The following SLC19A3 variants were observed in gnomAD, a reference collection of about 807,000 sequenced individuals.
SLC19A3 encodes the protein solute carrier family 19 member 3.
A neutral mutation model predicts 40.2 loss-of-function variants in SLC19A3; 31 were observed. The ratio of observed to expected loss-of-function variants is 0.77; its 90% CI spans 0.58 to 1.04. SLC19A3 has a LOEUF of 1.04. SLC19A3 is among the 50% of genes least tolerant of loss of function. The probability of loss-of-function intolerance (pLI) is 0.00; values close to 1 mark genes in which losing one functional copy is unlikely to be tolerated. For missense variants in SLC19A3, 592 were observed against 596.7 expected, an observed-to-expected ratio of 0.99 and a Z score of 0.08; for synonymous variants, 212 against 227.5, an observed-to-expected ratio of 0.93 and a Z score of 0.61.
chr2:227,695,282 A>G (rs2106325287), intron 4 of SLC19A3, among the ~76,000 whole-genome samples: 1 of 152,252 alleles, frequency 6.6e-6, no homozygotes, highest in East Asian at 1.9e-4. Context: ...CTTTATGTAG[A>G]AAGTTGCTGG....
intron 1 of SLC19A3, among the ~76,000 whole-genome samples, chr2:227,707,582 C>A (rs1438735588): frequency 5.3e-5 from 8 of 149,968 alleles, no homozygotes; most frequent in African/African-American, 2.0e-4. Flanking sequence ...ACCCTGTTCT[C>A]AAAAAATATA....
intron 4 of SLC19A3, among the ~76,000 whole-genome samples, chr2:227,689,087 A>C (rs901091108): frequency 1.3e-5 from 2 of 152,166 alleles, no homozygotes; most frequent in African/African-American, 4.8e-5. Context: ...AGGAGACAAC[A>C]GAAAAAAGAA....
At chr2:227,689,580 C>G (rs992150005) in intron 4 of SLC19A3, among the ~76,000 whole-genome samples, 6 of 152,150 alleles carry the variant, frequency 3.9e-5, no homozygotes, top group African/African-American at 7.2e-5. Flanking sequence ...TCATCAACAC[C>G]AGACCTGTCC....
At chr2:227,702,078 C>T (rs1695717425) in intron 2 of SLC19A3, 91 bp downstream of exon 2, 13 of 1,034,950 alleles carry the variant, frequency 1.3e-5, no homozygotes, top group Middle Eastern at 2.5e-4. Flanking sequence ...ATGTGTTCAT[C>T]TTATATCAAG....
chr2:227,696,096 TG>T lies in SLC19A3; in HGVS notation c.980-16del. ...AGCCACAGCCCCTGAAAAAAAACAT[TG>T]AAGGCAATCAAACATAATGACTTTG... On this transcript the variant is annotated splice_polypyrimidine_tract_variant and intron_variant, in intron 3 of 5. Transcript: ENST00000644224. 6.2e-7 allele frequency: 1 copy of T among 1,612,266 alleles called. No individual in the cohort carries two copies. Among genetic ancestry groups the T allele is most frequent in the Non-Finnish European group, 8.5e-7 (1 of 1,178,972 alleles).
rs7567984 is a variant in SLC19A3 at position 227,703,251 on chromosome 2, C to T, written c.-2-931G>A. 0.29 allele frequency among the ~76,000 whole-genome samples: 44,246 copies of T among 151,972 alleles called. 6,491 individuals carry two copies. The highest frequency in any genetic ancestry group is 0.31 in the African/African-American group (12,731 of 41,456). ...GGGTCAATTGCAGTTTGAAAGCAGA[C>T]GAGAGAGAAGGAAAAGCATTCTCAT... is the stretch of plus-strand genomic sequence containing the variant. On this transcript the variant is annotated intron_variant, in intron 1 of 5. Coordinates refer to ENST00000644224, the MANE Select transcript of SLC19A3 (RefSeq NM_025243.4). The surrounding 1 kb of genome is among the most constrained non-coding windows in gnomAD (Gnocchi z 4.7).
At chr2:227,716,919 C>G (rs4973234) in intron 1 of SLC19A3, among the ~76,000 whole-genome samples, 30,080 of 149,052 alleles carry the variant, frequency 0.2, 3,214 homozygotes, top group Middle Eastern at 0.36. Context: ...ATATGTGCCT[C>G]GATGAAAAAA....
At chr2:227,705,436 T>TAAA (rs34060996) in intron 1 of SLC19A3, among the ~76,000 whole-genome samples, 1 of 140,848 alleles carries the variant, frequency 7.1e-6, no homozygotes. Flanking sequence ...CCCTATCTCT[T>TAAA]AAAAAAAAAA....
Position 227,699,217 on chromosome 2 carries a change from G to A in SLC19A3, c.498C>T (p.Asn166=). The part of the protein sequence containing the change: ...VLAQLLVSLA[N]MSYFYLNVIS... ...TGACGTTGAGGTAAAAGTACGACAT[G>A]TTCGCCAGGGATACCAAGAGTTGAG... Residue 166 remains asparagine (N), a synonymous_variant, in exon 3 of 6, where the codon AAC becomes AAT. Transcript: ENST00000644224. 1.2e-6 allele frequency: 2 copies of A among 1,614,158 alleles called. No individual in the cohort carries two copies. The highest frequency in any genetic ancestry group is 1.7e-5 in the Admixed American group (1 of 60,018).
chr2:227,687,790 G>C lies in SLC19A3; in HGVS notation c.1315-217C>G, dbSNP rs571100101. The stretch of plus-strand genomic sequence containing the variant: ...ACGGTGACTAAGAGTCTTGGCTTTA[G>C]AGCAGGTTGCTTGGGTTAAAATCAT... On this transcript the variant is annotated intron_variant, in intron 5 of 5. Transcript: ENST00000644224. Among the ~76,000 whole-genome samples, 5 of 152,208 alleles carry C rather than the reference G, an allele frequency of 3.3e-5. No homozygotes were observed. In the South Asian group the frequency reaches 1.0e-3, roughly 32 times the overall value.
At position 227,685,068 on chromosome 2, in the gene SLC19A3, T is replaced by C. The variant is rs554962698; in HGVS notation, c.*2329A>G. 1.3e-4 allele frequency: 20 copies of C among 151,908 alleles called. No homozygotes were observed. Among genetic ancestry groups the C allele is most frequent in the Non-Finnish European group, 1.5e-5 (1 of 67,966 alleles). The allele number at this position is 151,908 out of a possible 1,614,324, so 9.4% of individuals were successfully genotyped here. On this transcript the variant is annotated 3_prime_UTR_variant, in exon 6 of 6. Transcript: ENST00000644224. ...GCCTTTAATGTAAGTAGGAATGTTA[T>C]TAGTTTTCTCCACTAAGTGAGTGCA...
intron 1 of SLC19A3, among the ~76,000 whole-genome samples, chr2:227,716,993 CTTTTTTTTTT>C (rs61164911): frequency 1.5e-5 from 1 of 67,140 alleles, no homozygotes; most frequent in Non-Finnish European, 2.6e-5. Flanking sequence ...CATGAGAGTG[CTTTTTTTTTT>C]TTTTTTTTTT....
rs546520597 is a variant in SLC19A3 at position 227,706,506 on chromosome 2, C to T, written c.-2-4186G>A. On this transcript the variant is annotated intron_variant, in intron 1 of 5. Coordinates refer to ENST00000644224, the MANE Select transcript of SLC19A3 (RefSeq NM_025243.4). ...TTTTAAAAGGCTGGGTGTAGTGGCT[C>T]ATGCTTGTAATCCCAGCGCTTTGGG... 4 of 1,209,620 alleles carry T rather than the reference C, an allele frequency of 3.3e-6. No homozygotes were observed. In the African/African-American group the frequency reaches 6.3e-5, roughly 19 times the overall value. 74.9% of individuals were successfully genotyped at this position (1,209,620 alleles called of 1,614,324 possible).
Position 227,698,861 on chromosome 2 carries a change from C to A in SLC19A3, c.854G>T (p.Trp285Leu). ...SKRLFYWSLW[W>L]AFATAGFNQV... ...GTTAAAACCTGCTGTGGCGAAAGCC[C>A]ACCATAGAGACCAGTAGAAAAGACG... The change falls in exon 3 of 6, where the codon TGG (tryptophan) becomes TTG (leucine). Residue 285 changes from tryptophan to leucine, a missense_variant. Transcript: ENST00000644224. The A allele has an allele frequency of 3.1e-6, 5 of 1,614,166 alleles. No homozygotes were observed. The highest frequency in any genetic ancestry group is 4.2e-6 in the Non-Finnish European group (5 of 1,180,024).
At position 227,684,692 on chromosome 2, in the gene SLC19A3, G is replaced by A. The variant is rs1559238522; in HGVS notation, c.*2705C>T. The A allele has an allele frequency of 6.6e-6, 1 of 151,984 alleles. No individual in the cohort carries two copies. 9.4% of individuals were successfully genotyped at this position (151,984 alleles called of 1,614,324 possible). On this transcript the variant is annotated 3_prime_UTR_variant, in exon 6 of 6. Transcript: ENST00000644224. ...CCAGAATAATAAGTTAAAAAAGAAG[G>A]ATAATAGACTGGGTGTGAGGTGGCT... is the stretch of plus-strand genomic sequence containing the variant.
Position 227,702,169 on chromosome 2 carries a change from C to G in SLC19A3, c.150G>C (p.Glu50Asp). ...AAGATATGTATGTATGTTAACTTACCTCTGCACTGGTCAGGTTTTTATCTG... is the reference window on the plus strand; with the variant it reads ...AAGATATGTATGTATGTTAACTTACGTCTGCACTGGTCAGGTTTTTATCTG... ...SGPDKNLTSAEITNEIFPVWT... is the reference protein window; with the variant it reads ...SGPDKNLTSADITNEIFPVWT... Residue 50 changes from glutamate (E) to aspartate (D), a missense_variant and splice_region_variant, in exon 2 of 6, where the codon GAG becomes GAC. Physicochemically the swap from Glu to Asp is conservative, Grantham distance 45. Transcript: ENST00000644224. 6.2e-7 allele frequency: 1 copy of G among 1,612,750 alleles called. No homozygotes were observed. The highest frequency in any genetic ancestry group is 8.5e-7 in the Non-Finnish European group (1 of 1,178,888).
At chr2:227,694,139 A>G (rs560564882) in intron 4 of SLC19A3, among the ~76,000 whole-genome samples, 1 of 152,156 alleles carries the variant, frequency 6.6e-6, no homozygotes, top group South Asian at 2.1e-4. Flanking sequence ...CCCCAGTAGC[A>G]GGGATTACAG....
At chr2:227,697,895 G>T (rs1045802121) in intron 3 of SLC19A3, among the ~76,000 whole-genome samples, 7 of 151,828 alleles carry the variant, frequency 4.6e-5, no homozygotes, top group Non-Finnish European at 1.0e-4. Flanking sequence ...GGGCAACATG[G>T]TGAAACCCCG....
At chr2:227,697,606 T>A (rs535772276) in intron 3 of SLC19A3, among the ~76,000 whole-genome samples, 2 of 152,234 alleles carry the variant, frequency 1.3e-5, no homozygotes, top group Non-Finnish European at 2.9e-5. Flanking sequence ...GAATTTGGAA[T>A]CCTTAATTTA....
Sources: allele counts gnomAD v4.1 joint callset (sites outside exome capture counted in the v4.1 genomes callset), GRCh38; gene constraint gnomAD v4.1.1; non-coding constraint Gnocchi (gnomAD v3.1); transcripts MANE v1.5; gene names NCBI Gene and HGNC (gene_info 2026-07-23, HGNC 2026-07-21).